The following ZNF589 variants were observed in gnomAD, a reference collection of about 807,000 sequenced individuals.
ZNF589 encodes zinc finger protein 589.
In ZNF589, 17 loss-of-function variants were observed where a neutral mutation model predicts 13.6. The observed-to-expected ratio is 1.25, with a 90% CI of 0.86 to 1.88. ZNF589 has a LOEUF of 1.88. ZNF589 is among the 40% of genes most tolerant of loss of function. ZNF589 has a pLI of 0.00. For missense variants in ZNF589, 407 were observed against 434.0 expected, an observed-to-expected ratio of 0.94 and a Z score of 0.55; for synonymous variants, 148 against 161.6, an observed-to-expected ratio of 0.92 and a Z score of 0.64.
intron 2 of ZNF589, among the ~76,000 whole-genome samples, chr3:48,250,775 C>T (rs2033829784): frequency 6.6e-6 from 1 of 151,304 alleles, no homozygotes. Flanking sequence ...CCTGCCCCGT[C>T]TTTTGTCTTA....
At chr3:48,255,855 C>T (rs1027951263) in intron 2 of ZNF589, among the ~76,000 whole-genome samples, 2 of 152,114 alleles carry the variant, frequency 1.3e-5, no homozygotes, top group African/African-American at 4.8e-5. Flanking sequence ...ATCCTCCTGC[C>T]TTGACCTCCC....
At chr3:48,259,910 C>A (rs1020434831) in intron 2 of ZNF589, among the ~76,000 whole-genome samples, 3 of 136,278 alleles carry the variant, frequency 2.2e-5, no homozygotes, top group Non-Finnish European at 4.7e-5. Context: ...CAGAGTGAGA[C>A]TCCGTATCAA....
intron 3 of ZNF589, among the ~76,000 whole-genome samples, chr3:48,265,212 TC>T (rs902089718): frequency 3.4e-5 from 5 of 148,018 alleles, no homozygotes; most frequent in Non-Finnish European, 7.4e-5. Context: ...CCTCATGTGA[TC>T]CACCCACCTT....
intron 1 of ZNF589, among the ~76,000 whole-genome samples, chr3:48,244,107 A>C (rs1252808530): frequency 2.0e-5 from 3 of 152,210 alleles, no homozygotes; most frequent in South Asian, 4.1e-4. Flanking sequence ...AGGAGGTAGG[A>C]TCCCTTAGTT....
rs754829195 is a variant in ZNF589, at chr3:48,270,172, C to T, written c.*1386C>T. On this transcript the variant is annotated 3_prime_UTR_variant, in exon 4 of 4. Transcript: ENST00000354698. ...CTAGCCTTTGCTGTTTCCTCTCCTA[C>T]CCCACCTTTAGATTTTACTCAGAGT... is the stretch of plus-strand genomic sequence containing the variant. 2 of 457,150 alleles carry T rather than the reference C, an allele frequency of 4.4e-6. No homozygotes were observed. The highest frequency in any genetic ancestry group is 3.1e-5 in the South Asian group (2 of 64,576). 28.3% of individuals were successfully genotyped at this position (457,150 alleles called of 1,614,324 possible). A position where few individuals can be genotyped will look rare whatever the true frequency, so the allele number is the denominator to read the frequency against.
chr3:48,257,402 G>T (rs757797305), intron 2 of ZNF589, among the ~76,000 whole-genome samples: 1 of 152,018 alleles, frequency 6.6e-6, no homozygotes, highest in Non-Finnish European at 1.5e-5. Context: ...TGGAATTACA[G>T]GCGTGTGCCA....
At chr3:48,245,508 G>C (rs2033753574) in intron 1 of ZNF589, among the ~76,000 whole-genome samples, 1 of 152,208 alleles carries the variant, frequency 6.6e-6, no homozygotes, top group South Asian at 2.1e-4. Flanking sequence ...GTCCCCCTGA[G>C]AGGCACTCCC....
At chr3:48,264,997 A>G (rs2034004547) in intron 3 of ZNF589, among the ~76,000 whole-genome samples, 2 of 151,754 alleles carry the variant, frequency 1.3e-5, no homozygotes, top group South Asian at 4.2e-4. Flanking sequence ...TTTGAGACAG[A>G]GTCTTGTTCT....
At chr3:48,260,393 G>A (rs892212848) in intron 2 of ZNF589, among the ~76,000 whole-genome samples, 25 of 152,106 alleles carry the variant, frequency 1.6e-4, no homozygotes, top group East Asian at 1.9e-4. Context: ...TCTCATGTCA[G>A]CCTCCCAAGT....
intron 2 of ZNF589, among the ~76,000 whole-genome samples, chr3:48,247,912 T>C (rs1049653927): frequency 6.6e-6 from 1 of 152,228 alleles, no homozygotes; most frequent in African/African-American, 2.4e-5. Flanking sequence ...TAAAATATAA[T>C]GGTAACTTTT....
chr3:48,241,966 C>A (rs2106827819), intron 1 of ZNF589, among the ~76,000 whole-genome samples: 1 of 152,204 alleles, frequency 6.6e-6, no homozygotes, highest in East Asian at 1.9e-4. Context: ...CAGGCGGCGC[C>A]TCACCACCCC....
At chr3:48,258,063 T>C in intron 2 of ZNF589, 1 of 308,348 alleles carries the variant, frequency 3.2e-6, no homozygotes, top group Non-Finnish European at 6.3e-6. Context: ...TACAAAAAAA[T>C]CTGGTTGGGA....
At chr3:48,267,811 G>A (rs1400427045) in intron 3 of ZNF589, 104 bp from the exon 4 acceptor site, 1 of 1,212,512 alleles carries the variant, frequency 8.2e-7, no homozygotes, top group African/African-American at 1.5e-5. Flanking sequence ...TGGGGAGAAA[G>A]ACTTTAATCA....
chr3:48,269,001 C>T lies in ZNF589; in HGVS notation c.*215C>T. On this transcript the variant is annotated 3_prime_UTR_variant, in exon 4 of 4. Transcript: ENST00000354698. Reference sequence around the variant, plus strand: ...TCGTCGCTCAAATCACATCGGAGAACACACTCAGGGGAGAAGCCTTATGTG... The same window carrying T: ...TCGTCGCTCAAATCACATCGGAGAATACACTCAGGGGAGAAGCCTTATGTG... 1 of 752,656 alleles carries T rather than the reference C, an allele frequency of 1.3e-6. No individual in the cohort carries two copies. The highest frequency in any genetic ancestry group is 1.7e-5 in the African/African-American group (1 of 57,244). 46.6% of individuals were successfully genotyped at this position (752,656 alleles called of 1,614,324 possible).
In ZNF589 at chr3:48,251,293, AG is replaced by A. The variant is rs763946863; in HGVS notation, c.96+3618del. Among the ~76,000 whole-genome samples, 132 of 152,234 alleles carry A rather than the reference AG, an allele frequency of 8.7e-4. 2 individuals carry two copies. Among genetic ancestry groups the A allele is most frequent in the Non-Finnish European group, 1.6e-3 (111 of 68,020 alleles). On this transcript the variant is annotated intron_variant, in intron 2 of 3. Transcript: ENST00000354698. Reference sequence around the variant, plus strand: ...GCAACTGTAGTTCCAGCTACTCGGGAGGCTGAGACAGGAGAATCACTTGAAC... The same window carrying A: ...GCAACTGTAGTTCCAGCTACTCGGGAGCTGAGACAGGAGAATCACTTGAAC...
intron 1 of ZNF589, among the ~76,000 whole-genome samples, chr3:48,244,267 G>T (rs906510000): frequency 6.6e-6 from 1 of 152,164 alleles, no homozygotes; most frequent in African/African-American, 2.4e-5. Flanking sequence ...GCTTTGCTCA[G>T]ATGTAGCCAC....
In ZNF589 at chr3:48,269,299, CT is replaced by C; in HGVS notation, c.*516del. 1 of 1,526,924 alleles carries C rather than the reference CT, an allele frequency of 6.5e-7. No homozygotes were observed. Among genetic ancestry groups the C allele is most frequent in the Non-Finnish European group, 8.9e-7 (1 of 1,120,556 alleles). 94.6% of individuals were successfully genotyped at this position (1,526,924 alleles called of 1,614,324 possible). On this transcript the variant is annotated 3_prime_UTR_variant, in exon 4 of 4. Coordinates refer to ENST00000354698, the MANE Select transcript of ZNF589 (RefSeq NM_016089.3). ...ATGTCTGCGGAGAGTGTGGGCGAGG[CT>C]TTATAGCTCAGTCAACCCTCCACTA...
chr3:48,249,543 A>G (rs77945157), intron 2 of ZNF589, among the ~76,000 whole-genome samples: 4,267 of 152,306 alleles, frequency 0.028, 89 homozygotes, highest in Middle Eastern at 0.048. Context: ...ATACAGTGAA[A>G]TGCACAAATT....
intron 1 of ZNF589, among the ~76,000 whole-genome samples, chr3:48,246,167 A>G (rs1167983974): frequency 6.6e-6 from 1 of 151,998 alleles, no homozygotes; most frequent in Admixed American, 6.6e-5. Flanking sequence ...TACAAAAATT[A>G]GCTGGGCATG....
Sources: gnomAD v4.1 joint callset for allele counts (sites outside exome capture counted in the v4.1 genomes callset) on GRCh38, gnomAD v4.1.1 for gene constraint, MANE v1.5 for transcripts, NCBI Gene and HGNC (gene_info 2026-07-23, HGNC 2026-07-21) for gene names.